Variants in PTMA observed in about 807,000 individuals in gnomAD.
The protein encoded by PTMA is gene sequence 28.
PTMA carries 4 observed loss-of-function variants against 16.9 expected under a neutral mutation model. The ratio of observed to expected loss-of-function variants is 0.24; its 90% confidence interval spans 0.12 to 0.54. The LOEUF is 0.54. PTMA is among the 20% of genes least tolerant of loss of function. The probability of loss-of-function intolerance (pLI) is 0.95; values close to 1 mark genes in which losing one functional copy is unlikely to be tolerated. For synonymous variants in PTMA, 58 were observed against 47.9 expected (o/e 1.21, Z -0.87); for missense variants, 120 against 137.7 (o/e 0.87, Z 0.64).
At position 231,713,374 on chromosome 2, in the gene PTMA, T is replaced by C. The variant is rs1335599870; in HGVS notation, c.*523T>C. ...ATGTACTTAGCTGTACTATAAGTAG[T>C]TGGTTTGTATGAGATGGTTAAAAAG... On this transcript the variant is annotated 3_prime_UTR_variant, in exon 5 of 5. Coordinates refer to ENST00000409115, the MANE Select transcript of PTMA (RefSeq NM_002823.5). 3.9e-6 allele frequency: 2 copies of C among 513,950 alleles called. No homozygotes were observed. Among genetic ancestry groups the C allele is most frequent in the African/African-American group, 2.0e-5 (1 of 50,382 alleles). 31.8% of individuals were successfully genotyped at this position (513,950 alleles called of 1,614,324 possible). A position where few individuals can be genotyped will look rare whatever the true frequency, so the allele number is the denominator to read the frequency against.
chr2:231,710,753 C>G (rs903849438), intron 1 of PTMA: 2 of 330,680 alleles, frequency 6.0e-6, no homozygotes, highest in Non-Finnish European at 1.2e-5. Flanking sequence ...CCTGGGGCAC[C>G]GCCAAGCAGC....
chr2:231,710,287 C>T lies in PTMA; in HGVS notation c.46-1061C>T, dbSNP rs750758735. 1.9e-5 allele frequency: 24 copies of T among 1,283,134 alleles called. No individual in the cohort carries two copies. The African/African-American group carries it at 2.9e-4, about 15-fold the overall frequency. 79.5% of individuals were successfully genotyped at this position (1,283,134 alleles called of 1,614,324 possible). A position where few individuals can be genotyped will look rare whatever the true frequency, so the allele number is the denominator to read the frequency against. ...TGCCACTGCAAGCTCTGCCTGCCGG[C>T]CGGGAGTCTCCAAGGCAAGGGACGC... is the stretch of plus-strand genomic sequence containing the variant. On this transcript the variant is annotated intron_variant, in intron 1 of 4. Coordinates refer to ENST00000409115, the MANE Select transcript of PTMA (RefSeq NM_002823.5).
rs1435043807 is a variant in PTMA, at chr2:231,713,385, G to A, written c.*534G>A. 2.0e-6 allele frequency: 1 copy of A among 511,422 alleles called. No homozygotes were observed. The highest frequency in any genetic ancestry group is 1.5e-5 in the South Asian group (1 of 66,124). 31.7% of individuals were successfully genotyped at this position (511,422 alleles called of 1,614,324 possible). On this transcript the variant is annotated 3_prime_UTR_variant, in exon 5 of 5. Transcript: ENST00000409115. ...TGTACTATAAGTAGTTGGTTTGTAT[G>A]AGATGGTTAAAAAGGCCAAAGATAA...
rs1184334755 is a variant in PTMA, at chr2:231,708,734, T to C, written c.28T>C (p.Ser10Pro). Residue 10 changes from serine to proline, a missense_variant, in exon 1 of 5, where the codon TCC becomes CCC. Physicochemically the swap from Ser to Pro is moderately conservative, Grantham distance 74 (BLOSUM62 -1). Coordinates refer to ENST00000409115, the MANE Select transcript of PTMA (RefSeq NM_002823.5). ...GTCAGACGCAGCCGTAGACACCAGC[T>C]CCGAAATCACCACCAAGGTGAGGCT... MSDAAVDTSSEITTKDLKEK... is the reference protein window; with the variant it reads MSDAAVDTSPEITTKDLKEK... 1 of 1,603,568 alleles carries C rather than the reference T, an allele frequency of 6.2e-7. No homozygotes were observed. The highest frequency in any genetic ancestry group is 1.3e-5 in the African/African-American group (1 of 74,980).
At chr2:231,710,778 AG>A in intron 1 of PTMA, 1 of 328,676 alleles carries the variant, frequency 3.0e-6, no homozygotes, top group Non-Finnish European at 6.2e-6. Context: ...TGCGGCCTCT[AG>A]GAACAGCGGT....
chr2:231,708,835 A>C, intron 1 of PTMA, 84 bp downstream of exon 1: 1 of 1,486,780 alleles, frequency 6.7e-7, no homozygotes, highest in Non-Finnish European at 9.1e-7. Context: ...GGACTGTCTC[A>C]AGCCCGCTGT....
chr2:231,711,265 A>G lies in PTMA; in HGVS notation c.46-83A>G, dbSNP rs1007875106. 30 of 1,106,046 alleles carry G rather than the reference A, an allele frequency of 2.7e-5. 2 individuals are homozygous for G. Among genetic ancestry groups the G allele is most frequent in the African/African-American group, 2.6e-4 (17 of 64,612 alleles). 68.5% of individuals were successfully genotyped at this position (1,106,046 alleles called of 1,614,324 possible). A position where few individuals can be genotyped will look rare whatever the true frequency, so the allele number is the denominator to read the frequency against. The stretch of plus-strand genomic sequence containing the variant: ...TTTGGGACGGACAGAACAGCCGTAC[A>G]GACCAGTAGTTCTCAGCGCCTTTGC... On this transcript the variant is annotated intron_variant, in intron 1 of 4. Coordinates refer to ENST00000409115, the MANE Select transcript of PTMA (RefSeq NM_002823.5).
rs753949551 is a variant in PTMA, at chr2:231,710,137, G to A, written c.46-1211G>A. 5 of 1,252,428 alleles carry A rather than the reference G, an allele frequency of 4.0e-6. No homozygotes were observed. The South Asian group carries it at 1.1e-4, about 27-fold the overall frequency. 77.6% of individuals were successfully genotyped at this position (1,252,428 alleles called of 1,614,324 possible). On this transcript the variant is annotated intron_variant, in intron 1 of 4. Transcript: ENST00000409115. ...CGACAGTCTCGGACCTACGCAGCCC[G>A]GTGGACTTTGGGGCGACCTCCCGTG...
intron 1 of PTMA, 118 bp from the exon 2 acceptor site, chr2:231,711,230 C>A: frequency 1.2e-6 from 1 of 807,924 alleles, no homozygotes; most frequent in Non-Finnish European, 2.1e-6. Context: ...TCTCAACATG[C>A]GACTCTTAAT....
intron 1 of PTMA, chr2:231,711,078 G>C (rs1195953848): frequency 3.0e-6 from 1 of 334,114 alleles, no homozygotes; most frequent in African/African-American, 2.1e-5. Context: ...TTTTTCCTGG[G>C]AAGCGCCAGG....
rs891389758 is a variant in PTMA, at chr2:231,708,549, C to T, written c.-158C>T. The stretch of plus-strand genomic sequence containing the variant: ...TCCCCCACTGGCTGCTCTGAAAAGC[C>T]ATCTTTGCATTGTTCCTCATCCGCC... On this transcript the variant is annotated 5_prime_UTR_variant, in exon 1 of 5. Transcript: ENST00000409115. 6.0e-6 allele frequency: 5 copies of T among 828,180 alleles called. No individual in the cohort carries two copies. Among genetic ancestry groups the T allele is most frequent in the Non-Finnish European group, 9.9e-6 (5 of 506,442 alleles). 51.3% of individuals were successfully genotyped at this position (828,180 alleles called of 1,614,324 possible). A position where few individuals can be genotyped will look rare whatever the true frequency, so the allele number is the denominator to read the frequency against.
Position 231,711,931 on chromosome 2 carries a change from C to T in PTMA, c.159C>T (p.Asp53=), listed in dbSNP as rs369301006. The change falls in exon 3 of 5, where the codon GAC becomes GAT. Residue 53 remains aspartate (D), a synonymous_variant. Transcript: ENST00000409115. ...NGEQEADNEV[D]EEEEEGGEEE... is the part of the protein sequence containing the mutation. Reference sequence around the variant, plus strand: ...AGCAGGAGGCTGACAATGAGGTAGACGAAGAAGAGGAAGAAGGTGGGGAGG... The same window carrying T: ...AGCAGGAGGCTGACAATGAGGTAGATGAAGAAGAGGAAGAAGGTGGGGAGG... The T allele has an allele frequency of 4.1e-5, 66 of 1,604,276 alleles. 1 individual carries two copies. Among genetic ancestry groups the T allele is most frequent in the Non-Finnish European group, 4.9e-5 (58 of 1,175,178 alleles).
At chr2:231,712,744 C>T in intron 4 of PTMA, 60 bp from the exon 5 acceptor site, 1 of 1,546,282 alleles carries the variant, frequency 6.5e-7, no homozygotes, top group South Asian at 1.2e-5. Flanking sequence ...GGAGCTGAGG[C>T]AGTGGGCTGG....
intron 1 of PTMA, chr2:231,710,305 A>G (rs1479587712): frequency 4.0e-6 from 5 of 1,256,588 alleles, no homozygotes; most frequent in Non-Finnish European, 5.0e-6. Flanking sequence ...CTCCAAGGCA[A>G]GGGACGCACT....
Position 231,708,652 on chromosome 2 carries a change from C to T in PTMA, c.-55C>T, listed in dbSNP as rs1460037759. ...TCCGGCAGCTTTATCGCCAGAGTCCCTGAACTCTCGCTTTCTTTTTAATCC... is the reference window on the plus strand; with the variant it reads ...TCCGGCAGCTTTATCGCCAGAGTCCTTGAACTCTCGCTTTCTTTTTAATCC... On this transcript the variant is annotated 5_prime_UTR_variant, in exon 1 of 5. Transcript: ENST00000409115. The T allele has an allele frequency of 5.0e-6, 8 of 1,594,740 alleles. No individual in the cohort carries two copies. The highest frequency in any genetic ancestry group is 4.4e-5 in the South Asian group (4 of 90,854).
rs750410995 is a variant in PTMA, at chr2:231,711,350, C to T, written c.48C>T (p.Asp16=). The T allele has an allele frequency of 9.3e-6, 15 of 1,613,718 alleles. No homozygotes were observed. The highest frequency in any genetic ancestry group is 6.7e-5 in the Admixed American group (4 of 59,996). ...TGGTTCCTTCTTCCCTTTTGAAGGA[C>T]TTAAAGGAGAAGAAGGAAGTTGTGG... is the stretch of plus-strand genomic sequence containing the variant. The part of the protein sequence containing the change: ...VDTSSEITTK[D]LKEKKEVVEE... Residue 16 remains aspartate (D), a splice_region_variant and synonymous_variant, in exon 2 of 5, where the codon GAC becomes GAT. Transcript: ENST00000409115.
chr2:231,708,875 C>A, intron 1 of PTMA, 124 bp downstream of exon 1: 1 of 1,211,584 alleles, frequency 8.3e-7, no homozygotes, highest in Non-Finnish European at 1.1e-6. Context: ...ACGGCCCGCC[C>A]CCGGCGCGGT....
Position 231,713,098 on chromosome 2 carries a change from T to C in PTMA, c.*247T>C. The C allele has an allele frequency of 1.9e-6, 1 of 518,796 alleles. No individual in the cohort carries two copies. The highest frequency in any genetic ancestry group is 3.5e-6 in the Non-Finnish European group (1 of 282,534). 32.1% of individuals were successfully genotyped at this position (518,796 alleles called of 1,614,324 possible). On this transcript the variant is annotated 3_prime_UTR_variant, in exon 5 of 5. Transcript: ENST00000409115. Reference sequence around the variant, plus strand: ...CCCTGCTTTTTTTCTTAAAAGTACTTTAAAAAGGAAATTTGTTTGTATTTT... The same window carrying C: ...CCCTGCTTTTTTTCTTAAAAGTACTCTAAAAAGGAAATTTGTTTGTATTTT...
At chr2:231,708,884 G>C in intron 1 of PTMA, 133 bp downstream of exon 1, 1 of 1,115,864 alleles carries the variant, frequency 9.0e-7, no homozygotes, top group South Asian at 1.5e-5. Flanking sequence ...CCCCGGCGCG[G>C]TGCCCTCAGG....
Sources: allele counts gnomAD v4.1 joint callset, GRCh38; gene constraint gnomAD v4.1.1; transcripts MANE v1.5; gene names NCBI Gene and HGNC (gene_info 2026-07-23, HGNC 2026-07-21).